Variants in BMPR2 observed in about 807,000 individuals in gnomAD.
BMPR2 encodes bone morphogenetic protein receptor type-2.
Under a neutral mutation model 100.8 loss-of-function variants are expected in BMPR2, and 29 were observed. That is an observed-to-expected ratio of 0.29 (90% CI 0.21 to 0.39). The LOEUF is 0.39. Among genes scored for constraint, BMPR2 ranks in the 10% least tolerant of loss-of-function variants. BMPR2 has a pLI of 1.00. For missense variants in BMPR2, 1,011 were observed against 1,274.5 expected, an observed-to-expected ratio of 0.79 and a Z score of 3.15; for synonymous variants, 382 against 442.3, an observed-to-expected ratio of 0.86 and a Z score of 1.71.
intron 10 of BMPR2, among the ~76,000 whole-genome samples, chr2:202,547,265 G>C (rs931212704): frequency 1.4e-4 from 22 of 151,950 alleles, no homozygotes; most frequent in African/African-American, 4.1e-4. Flanking sequence ...TATAGTGCAG[G>C]GGGACAATAA....
At chr2:202,535,887 G>T (rs1031064951) in intron 9 of BMPR2, among the ~76,000 whole-genome samples, 13 of 152,188 alleles carry the variant, frequency 8.5e-5, no homozygotes, top group Admixed American at 8.5e-4. Flanking sequence ...GCTGGAGACC[G>T]GCCTGGCCAA....
intron 9 of BMPR2, among the ~76,000 whole-genome samples, chr2:202,537,465 A>G (rs565753298): frequency 6.6e-6 from 1 of 152,342 alleles, no homozygotes; most frequent in East Asian, 1.9e-4. Flanking sequence ...TTTAGCAAAT[A>G]TGTAGGATTA....
At chr2:202,381,554 CAA>C (rs1053740504) in intron 1 of BMPR2, among the ~76,000 whole-genome samples, 14 of 152,126 alleles carry the variant, frequency 9.2e-5, no homozygotes, top group Non-Finnish European at 1.8e-4. Flanking sequence ...AGCTCAGAAA[CAA>C]GAGGTATCAA....
At chr2:202,418,241 G>A (rs538828684) in intron 1 of BMPR2, among the ~76,000 whole-genome samples, 59 of 152,274 alleles carry the variant, frequency 3.9e-4, no homozygotes, top group African/African-American at 1.3e-3. Flanking sequence ...CATGAGGAGT[G>A]AGAACAGACA....
At chr2:202,445,846 C>T (rs1161027034) in intron 1 of BMPR2, among the ~76,000 whole-genome samples, 2 of 144,398 alleles carry the variant, frequency 1.4e-5, no homozygotes, top group Non-Finnish European at 3.0e-5. Context: ...ACAATCTCGG[C>T]TCACTGCAAC....
chr2:202,381,940 C>G (rs1451388425), intron 1 of BMPR2, among the ~76,000 whole-genome samples: 1 of 151,176 alleles, frequency 6.6e-6, no homozygotes, highest in East Asian at 1.9e-4. Flanking sequence ...AAATTCTAAC[C>G]ATTAAAAAAA....
At chr2:202,469,001 T>C (rs569721041) in intron 3 of BMPR2, among the ~76,000 whole-genome samples, 1 of 152,130 alleles carries the variant, frequency 6.6e-6, no homozygotes, top group Admixed American at 6.6e-5. Context: ...TGTAGCTTTT[T>C]TTTTGGTTTT....
intron 3 of BMPR2, among the ~76,000 whole-genome samples, chr2:202,494,251 C>T (rs1219131264): frequency 6.6e-6 from 1 of 152,228 alleles, no homozygotes; most frequent in Non-Finnish European, 1.5e-5. Context: ...ATGAAAGCTA[C>T]ATTGCTTGAA....
chr2:202,389,897 C>T (rs1690512701), intron 1 of BMPR2, among the ~76,000 whole-genome samples: 6 of 151,938 alleles, frequency 3.9e-5, no homozygotes, highest in Admixed American at 3.9e-4. Flanking sequence ...GCCTCAGCCT[C>T]CCAAAGTGCT....
At chr2:202,551,223 C>T (rs1461234944) in intron 10 of BMPR2, among the ~76,000 whole-genome samples, 1 of 151,626 alleles carries the variant, frequency 6.6e-6, no homozygotes, top group Non-Finnish European at 1.5e-5. Context: ...GAGTTAAAAC[C>T]AGCTTTCCCC....
At chr2:202,446,994 G>A (rs1019463742) in intron 1 of BMPR2, among the ~76,000 whole-genome samples, 3 of 149,148 alleles carry the variant, frequency 2.0e-5, no homozygotes, top group Admixed American at 6.6e-5. Context: ...TGTTTAATAC[G>A]GTCTTTCCCC....
At chr2:202,377,609 G>A in intron 1 of BMPR2, 59 bp downstream of exon 1, 1 of 1,575,704 alleles carries the variant, frequency 6.3e-7, no homozygotes, top group Non-Finnish European at 8.7e-7. Flanking sequence ...GAGGGAGGGA[G>A]CCCGCAGAGG....
At chr2:202,437,426 CATA>C (rs1691636888) in intron 1 of BMPR2, among the ~76,000 whole-genome samples, 1 of 150,602 alleles carries the variant, frequency 6.6e-6, no homozygotes, top group Non-Finnish European at 1.5e-5. Context: ...TGTTTCCATT[CATA>C]TATACATTTT....
chr2:202,400,308 ATTTTT>A (rs35517349), intron 1 of BMPR2, among the ~76,000 whole-genome samples: 1 of 130,554 alleles, frequency 7.7e-6, no homozygotes. Context: ...TGCCAAGCTA[ATTTTT>A]TTTTTTTTTT....
At chr2:202,457,816 G>A (rs1215024104) in intron 1 of BMPR2, among the ~76,000 whole-genome samples, 3 of 151,918 alleles carry the variant, frequency 2.0e-5, no homozygotes, top group African/African-American at 7.3e-5. Context: ...TGCAGCCTCC[G>A]CCTCTGGGGT....
At chr2:202,460,513 A>C (rs1692205458) in intron 1 of BMPR2, among the ~76,000 whole-genome samples, 1 of 152,198 alleles carries the variant, frequency 6.6e-6, no homozygotes, top group Non-Finnish European at 1.5e-5. Context: ...ATTTCAAGCT[A>C]AACTAAAAAT....
At chr2:202,424,639 T>G (rs1294776774) in intron 1 of BMPR2, among the ~76,000 whole-genome samples, 2 of 151,952 alleles carry the variant, frequency 1.3e-5, no homozygotes, top group African/African-American at 4.8e-5. Flanking sequence ...GAGGTTGCAG[T>G]GAGCTGAGAT....
chr2:202,531,928 G>GTCTT (rs1439934960), intron 8 of BMPR2, among the ~76,000 whole-genome samples: 2 of 51,258 alleles, frequency 3.9e-5, no homozygotes, highest in Admixed American at 2.5e-4. Context: ...ACGCCCAGCT[G>GTCTT]TATTTTTTTT....
intron 1 of BMPR2, among the ~76,000 whole-genome samples, chr2:202,396,597 G>T (rs901317191): frequency 1.3e-5 from 2 of 151,900 alleles, no homozygotes; most frequent in African/African-American, 4.8e-5. Flanking sequence ...GGAAACACTT[G>T]GAAAGCAAAA....
Sources: gnomAD v4.1 joint callset for allele counts (sites outside exome capture counted in the v4.1 genomes callset) on GRCh38, gnomAD v4.1.1 for gene constraint, MANE v1.5 for transcripts, NCBI Gene and HGNC (gene_info 2026-07-23, HGNC 2026-07-21) for gene names.